Variants in FRMD4B observed in about 807,000 individuals in gnomAD.
FRMD4B encodes FERM domain containing 4B.
Under a neutral mutation model 141.5 loss-of-function variants are expected in FRMD4B, and 74 were observed. The observed-to-expected ratio is 0.52, with a 90% CI of 0.43 to 0.63. FRMD4B has a LOEUF of 0.63. FRMD4B is among the 30% of genes least tolerant of loss of function. FRMD4B has a pLI of 0.00. For synonymous variants in FRMD4B, 506 were observed against 467.9 expected, an observed-to-expected ratio of 1.08 and a Z score of -1.05; for missense variants, 1,366 against 1,253.4, an observed-to-expected ratio of 1.09 and a Z score of -1.36.
rs771679022 is a variant in FRMD4B, at chr3:69,494,133, G to T, written c.-129+48073C>A. Among the ~76,000 whole-genome samples, 61 of 152,282 alleles carry T rather than the reference G, an allele frequency of 4.0e-4. 1 individual carries two copies. The highest frequency in any genetic ancestry group is 3.3e-4 in the Admixed American group (5 of 15,294). The stretch of plus-strand genomic sequence containing the variant: ...GGCATCAAGTGGTTCTCCCACCTTG[G>T]CCTCCCTAAGCACTGGGATTATAGG... On this transcript the variant is annotated intron_variant, in intron 1 of 5. Coordinates refer to the FRMD4B transcript ENST00000459638.
At position 69,181,668 on chromosome 3, in the gene FRMD4B, G is replaced by A. The variant is rs763674289; in HGVS notation, c.2082C>T (p.Ser694=). 1 of 1,613,602 alleles carries A rather than the reference G, an allele frequency of 6.2e-7. No individual in the cohort carries two copies. The highest frequency in any genetic ancestry group is 8.5e-7 in the Non-Finnish European group (1 of 1,179,682). The change falls in exon 21 of 23, where the codon AGC becomes AGT. Residue 694 remains serine (S), a synonymous_variant. Coordinates refer to ENST00000398540, the MANE Select transcript of FRMD4B (RefSeq NM_015123.3). Reference sequence around the variant, plus strand: ...AGAGCAGGTGGGACTGGGACTCCAGGCTTCCACTCCGCTGGCGGCAGTGCT... The same window carrying A: ...AGAGCAGGTGGGACTGGGACTCCAGACTTCCACTCCGCTGGCGGCAGTGCT... ...SSQHCRQRSG[S]LESQSHLLSE...
At chr3:69,435,500 T>G (rs1705246186) in intron 1 of FRMD4B, among the ~76,000 whole-genome samples, 1 of 152,242 alleles carries the variant, frequency 6.6e-6, no homozygotes, top group African/African-American at 2.4e-5. Flanking sequence ...CACACAGCCA[T>G]GTCTATTCAT....
At chr3:69,212,003 A>G (rs1015824926) in intron 11 of FRMD4B, among the ~76,000 whole-genome samples, 1 of 148,802 alleles carries the variant, frequency 6.7e-6, no homozygotes, top group Non-Finnish European at 1.5e-5. Flanking sequence ...AAAGGAAGAA[A>G]TAAACAATGG....
At chr3:69,421,449 A>T (rs1473565459) in intron 2 of FRMD4B, among the ~76,000 whole-genome samples, 1 of 152,152 alleles carries the variant, frequency 6.6e-6, no homozygotes, top group East Asian at 1.9e-4. Flanking sequence ...TGGAGAGCAC[A>T]TGTTTTGTCC....
intron 1 of FRMD4B, among the ~76,000 whole-genome samples, chr3:69,513,298 T>C (rs1052071476): frequency 6.6e-6 from 1 of 152,086 alleles, no homozygotes; most frequent in Non-Finnish European, 1.5e-5. Flanking sequence ...GATTGGATAA[T>C]GTAGAAGAAA....
chr3:69,194,810 T>C (rs1042875132), intron 16 of FRMD4B, among the ~76,000 whole-genome samples: 14 of 152,224 alleles, frequency 9.2e-5, no homozygotes, highest in Admixed American at 8.5e-4. Flanking sequence ...GTTCACTGAA[T>C]GCCTATGATT....
rs555572842 is a variant in FRMD4B, at chr3:69,269,426, G to T, written c.501+18326C>A. Among the ~76,000 whole-genome samples the T allele has an allele frequency of 3.8e-4, 57 of 150,246 alleles. 3 individuals carry two copies. The highest frequency in any genetic ancestry group is 1.4e-3 in the African/African-American group (56 of 39,612). Reference sequence around the variant, plus strand: ...GGGGAGACTGAAGCTTAGGAAGATAGAATAGGCTGTTGCTTAAAGCCACCC... The same window carrying T: ...GGGGAGACTGAAGCTTAGGAAGATATAATAGGCTGTTGCTTAAAGCCACCC... On this transcript the variant is annotated intron_variant, in intron 5 of 22. Coordinates refer to ENST00000398540, the MANE Select transcript of FRMD4B (RefSeq NM_015123.3).
chr3:69,484,095 C>T (rs1243014634), intron 1 of FRMD4B, among the ~76,000 whole-genome samples: 1 of 152,130 alleles, frequency 6.6e-6, no homozygotes, highest in Non-Finnish European at 1.5e-5. Context: ...TAAAAAATTA[C>T]CTCAAAGCTT....
At chr3:69,343,424 C>T (rs1312059440) in intron 1 of FRMD4B, among the ~76,000 whole-genome samples, 1 of 152,050 alleles carries the variant, frequency 6.6e-6, no homozygotes, top group Non-Finnish European at 1.5e-5. Flanking sequence ...AACCTTTAAC[C>T]ACGGACTCCT....
chr3:69,198,847 TCAAA>T (rs1385382487), intron 11 of FRMD4B, 73 bp from the exon 12 acceptor site: 3 of 758,964 alleles, frequency 4.0e-6, no homozygotes, highest in African/African-American at 3.5e-5. Context: ...AGCTTAATAA[TCAAA>T]CAATTATAAG....
In FRMD4B at chr3:69,229,269, T is replaced by G. The variant is rs368707063; in HGVS notation, c.582-4579A>C. 3.7e-3 allele frequency among the ~76,000 whole-genome samples: 557 copies of G among 152,152 alleles called. 1 individual carries two copies. Among genetic ancestry groups the G allele is most frequent in the African/African-American group, 0.013 (537 of 41,520 alleles). The stretch of plus-strand genomic sequence containing the variant: ...TCAAACTCCTGGCCTCCAGCAACCT[T>G]CCTGCCTTAGCTTCCCAAAGTGCTA... On this transcript the variant is annotated intron_variant, in intron 7 of 22. Transcript: ENST00000398540.
At chr3:69,497,322 A>G (rs1291807427) in intron 1 of FRMD4B, among the ~76,000 whole-genome samples, 2 of 152,222 alleles carry the variant, frequency 1.3e-5, no homozygotes, top group African/African-American at 2.4e-5. Context: ...GCTGACTAAT[A>G]TACTTGTTAT....
intron 2 of FRMD4B, among the ~76,000 whole-genome samples, chr3:69,396,337 T>C (rs1304349443): frequency 6.6e-6 from 1 of 152,028 alleles, no homozygotes; most frequent in Non-Finnish European, 1.5e-5. Flanking sequence ...AAACCCCTTC[T>C]CCACTAAAAA....
chr3:69,433,737 T>C (rs766685363), intron 1 of FRMD4B, among the ~76,000 whole-genome samples: 2 of 152,228 alleles, frequency 1.3e-5, no homozygotes, highest in Non-Finnish European at 2.9e-5. Context: ...GAGAGTTTCC[T>C]ACAGGCAATA....
chr3:69,454,848 G>A lies in FRMD4B; in HGVS notation c.-128-22087C>T, dbSNP rs755855505. 8.5e-5 allele frequency among the ~76,000 whole-genome samples: 13 copies of A among 152,342 alleles called. 1 individual carries two copies. Among genetic ancestry groups the A allele is most frequent in the East Asian group, 1.9e-4 (1 of 5,170 alleles). ...GCAGGACTGGCGGGCACCTCCGCCC[G>A]TGGCCCCTGCGTGGGATCCACTAGG... On this transcript the variant is annotated intron_variant, in intron 1 of 5. Coordinates refer to the FRMD4B transcript ENST00000459638.
chr3:69,288,843 C>A (rs903945409), intron 4 of FRMD4B, among the ~76,000 whole-genome samples: 1 of 152,194 alleles, frequency 6.6e-6, no homozygotes, highest in South Asian at 2.1e-4. Flanking sequence ...CTTAGCTCTG[C>A]GGAATCCTGA....
intron 1 of FRMD4B, among the ~76,000 whole-genome samples, chr3:69,369,596 C>T (rs1183401150): frequency 6.6e-6 from 1 of 152,062 alleles, no homozygotes; most frequent in Non-Finnish European, 1.5e-5. Flanking sequence ...AGGAAAAACA[C>T]ATTCACTAAA....
chr3:69,345,506 G>T (rs1214949748), intron 1 of FRMD4B, among the ~76,000 whole-genome samples: 1 of 152,202 alleles, frequency 6.6e-6, no homozygotes, highest in Non-Finnish European at 1.5e-5. Context: ...CCCAGCAGGA[G>T]TTTGAGATCT....
intron 1 of FRMD4B, among the ~76,000 whole-genome samples, chr3:69,487,190 T>C (rs987094196): frequency 6.6e-6 from 1 of 152,154 alleles, no homozygotes; most frequent in Non-Finnish European, 1.5e-5. Flanking sequence ...GCTGGAGCAG[T>C]CTCATAGAAC....
Sources: gnomAD v4.1 joint callset for allele counts (sites outside exome capture counted in the v4.1 genomes callset) on GRCh38, gnomAD v4.1.1 for gene constraint, MANE v1.5 for transcripts, NCBI Gene and HGNC (gene_info 2026-07-23, HGNC 2026-07-21) for gene names.